Variants in REDIC1 observed in about 807,000 individuals in gnomAD.
REDIC1 encodes the protein regulator of DNA class I crossover intermediates 1.
chr12:39,760,118 A>C, the REDIC1 span: 1 of 1,613,014 alleles, frequency 6.2e-7, no homozygotes, highest in Non-Finnish European at 8.5e-7. Context: ...TCAGAATCTG[A>C]AGTGCCACAT....
chr12:39,693,423 T>C, the REDIC1 span, among the ~76,000 whole-genome samples: 1 of 151,984 alleles, frequency 6.6e-6, no homozygotes, highest in Non-Finnish European at 1.5e-5. Context: ...AGTATTTTTT[T>C]TTTTTTCTGC....
chr12:39,905,581 A>G, the REDIC1 span, among the ~76,000 whole-genome samples: 1 of 152,112 alleles, frequency 6.6e-6, no homozygotes, highest in Non-Finnish European at 1.5e-5. Context: ...AGTACAGTAA[A>G]TGTGTATGAG....
At chr12:39,763,816 C>A in the REDIC1 span, among the ~76,000 whole-genome samples, 1 of 152,104 alleles carries the variant, frequency 6.6e-6, no homozygotes, top group Admixed American at 6.6e-5. Context: ...TTTCCTGACT[C>A]AGCCACTAAG....
At chr12:39,660,559 A>G in the REDIC1 span, among the ~76,000 whole-genome samples, 1 of 152,058 alleles carries the variant, frequency 6.6e-6, no homozygotes, top group South Asian at 2.1e-4. Context: ...TTACTGGGGT[A>G]CATGTGGTAT....
chr12:39,645,322 C>T, the REDIC1 span, among the ~76,000 whole-genome samples: 1 of 151,940 alleles, frequency 6.6e-6, no homozygotes, highest in Non-Finnish European at 1.5e-5. Context: ...AAACAGAAAG[C>T]AAGCTTTACT....
chr12:39,743,387 C>T, the REDIC1 span, among the ~76,000 whole-genome samples: 2 of 152,294 alleles, frequency 1.3e-5, no homozygotes, highest in East Asian at 1.9e-4. Flanking sequence ...TCATACCTTA[C>T]CACCATGTCA....
At chr12:39,713,169 ATATG>A in the REDIC1 span, among the ~76,000 whole-genome samples, 1 of 150,294 alleles carries the variant, frequency 6.7e-6, no homozygotes, top group East Asian at 2.0e-4. Flanking sequence ...ACACGTGTAT[ATATG>A]TGCATATACC....
the REDIC1 span, among the ~76,000 whole-genome samples, chr12:39,668,605 T>C: frequency 6.6e-6 from 1 of 152,208 alleles, no homozygotes; most frequent in Admixed American, 6.5e-5. Context: ...TTGGCCTGCC[T>C]TGCTAGACTG....
the REDIC1 span, among the ~76,000 whole-genome samples, chr12:39,900,269 GA>G: frequency 6.6e-6 from 1 of 152,082 alleles, no homozygotes; most frequent in Non-Finnish European, 1.5e-5. Flanking sequence ...CATTCCCTTT[GA>G]AAACTGGCAC....
chr12:39,805,025 A>ACAGAAGCCTGCTGGAGG, the REDIC1 span, among the ~76,000 whole-genome samples: 2 of 147,664 alleles, frequency 1.4e-5, no homozygotes, highest in African/African-American at 5.0e-5. Flanking sequence ...CCTGCTGGAG[A>ACAGAAGCCTGCTGGAGG]GAGAAGCCTG....
chr12:39,792,752 TTTGG>T, the REDIC1 span, among the ~76,000 whole-genome samples: 1 of 152,030 alleles, frequency 6.6e-6, no homozygotes, highest in Non-Finnish European at 1.5e-5. Flanking sequence ...TTTATTCCTG[TTTGG>T]TTGTAGATTT....
chr12:39,824,412 T>C, the REDIC1 span, among the ~76,000 whole-genome samples: 1 of 152,230 alleles, frequency 6.6e-6, no homozygotes, highest in South Asian at 2.1e-4. Context: ...AGGGGTCAGA[T>C]GACCACCCAT....
At chr12:39,751,693 AC>A in the REDIC1 span, among the ~76,000 whole-genome samples, 3 of 152,354 alleles carry the variant, frequency 2.0e-5, no homozygotes, top group South Asian at 2.1e-4. Flanking sequence ...AAAATGTGGC[AC>A]GTATACATCA....
At chr12:39,692,098 C>G in the REDIC1 span, 6 of 1,575,280 alleles carry the variant, frequency 3.8e-6, no homozygotes, top group South Asian at 7.0e-5. Context: ...AAGCGAATAT[C>G]TACTAAGAAA....
the REDIC1 span, among the ~76,000 whole-genome samples, chr12:39,717,529 TG>T: frequency 1.3e-5 from 2 of 151,946 alleles, no homozygotes; most frequent in African/African-American, 4.8e-5. Flanking sequence ...GAGGCAGAGT[TG>T]GTCTTGCTGT....
the REDIC1 span, among the ~76,000 whole-genome samples, chr12:39,665,035 T>G: frequency 6.6e-6 from 1 of 152,358 alleles, no homozygotes; most frequent in Non-Finnish European, 1.5e-5. Flanking sequence ...CTGTTCATTC[T>G]GATCATAGTT....
At chr12:39,704,704 A>C in the REDIC1 span, among the ~76,000 whole-genome samples, 1,293 of 152,356 alleles carry the variant, frequency 8.5e-3, 24 homozygotes, top group African/African-American at 0.03. Context: ...TAGATTAAGA[A>C]AATGTGGCAC....
chr12:39,737,251 G>A, the REDIC1 span, among the ~76,000 whole-genome samples: 1 of 152,176 alleles, frequency 6.6e-6, no homozygotes, highest in Non-Finnish European at 1.5e-5. Flanking sequence ...GTTTGGATTG[G>A]TTTACATTTC....
At chr12:39,626,781 C>T in the REDIC1 span, among the ~76,000 whole-genome samples, 2 of 152,198 alleles carry the variant, frequency 1.3e-5, no homozygotes, top group African/African-American at 2.4e-5. Flanking sequence ...AGCCCAGTCC[C>T]AGCTGCACTT....
Sources: allele counts gnomAD v4.1 joint callset (sites outside exome capture counted in the v4.1 genomes callset), GRCh38; gene constraint gnomAD v4.1.1; transcripts MANE v1.5; gene names NCBI Gene and HGNC (gene_info 2026-07-23, HGNC 2026-07-21).